Variants in HPF1 observed in about 807,000 individuals in gnomAD.
The protein encoded by HPF1 is UPF0609 protein C4orf27.
In HPF1, 35 loss-of-function variants were observed where a neutral mutation model predicts 38.8. That is an observed-to-expected ratio of 0.90 (90% CI 0.69 to 1.19). HPF1 has a LOEUF of 1.19. HPF1 is among the 50% of genes most tolerant of loss of function. HPF1 has a pLI of 0.00. For synonymous variants in HPF1, 115 were observed against 139.2 expected, an observed-to-expected ratio of 0.83 and a Z score of 1.22; for missense variants, 367 against 405.8, an observed-to-expected ratio of 0.90 and a Z score of 0.82.
At position 169,729,613 on chromosome 4, in the gene HPF1, T is replaced by C. The variant is rs1198190656; in HGVS notation, c.1006A>G (p.Arg336Gly). ...AEIIEEHLAN[R>G]SQENIDQLAA ...AGTTGGTCTATGTTCTCTTGACTTCTGTTTGCCAGATGCTCCTCAATAATT... is the reference window on the plus strand; with the variant it reads ...AGTTGGTCTATGTTCTCTTGACTTCCGTTTGCCAGATGCTCCTCAATAATT... The change falls in exon 8 of 8, where the codon AGA (arginine) becomes GGA (glycine). Residue 336 changes from arginine (R) to glycine (G), a missense_variant. By Grantham distance (125) the Arg-to-Gly change is moderately radical. Transcript: ENST00000393381. The C allele has an allele frequency of 8.2e-6, 13 of 1,590,260 alleles. No homozygotes were observed. Among genetic ancestry groups the C allele is most frequent in the Non-Finnish European group, 1.1e-5 (13 of 1,169,290 alleles).
intron 4 of HPF1, among the ~76,000 whole-genome samples, chr4:169,742,519 G>A (rs1413378948): frequency 2.0e-5 from 3 of 152,196 alleles, no homozygotes; most frequent in South Asian, 4.2e-4. Flanking sequence ...CAGGCAAGGC[G>A]CAGTGGCTCA....
rs1340394285 is a variant in HPF1, at chr4:169,731,835, T to C, written c.778A>G (p.Ser260Gly). ...AAAGCTTTTAGTCTCTCCTCATCAC[T>C]TGCAGCCTCAACTATTGTCTTGCAA... is the stretch of plus-strand genomic sequence containing the variant. The part of the protein sequence containing the change: ...RICKTIVEAA[S>G]DEERLKAFAP... Residue 260 changes from serine to glycine, a missense_variant, in exon 7 of 8, where the codon AGT becomes GGT. By Grantham distance (56) the Ser-to-Gly change is moderately conservative. Transcript: ENST00000393381. 1.9e-6 allele frequency: 3 copies of C among 1,613,648 alleles called. No homozygotes were observed. The highest frequency in any genetic ancestry group is 2.5e-6 in the Non-Finnish European group (3 of 1,179,692).
At chr4:169,744,666 C>T (rs1161543489) in intron 4 of HPF1, among the ~76,000 whole-genome samples, 1 of 152,200 alleles carries the variant, frequency 6.6e-6, no homozygotes. Context: ...CTATTGCGCT[C>T]ACAGTGGTAT....
At chr4:169,741,467 A>C (rs530005240) in intron 5 of HPF1, among the ~76,000 whole-genome samples, 38 of 152,330 alleles carry the variant, frequency 2.5e-4, no homozygotes, top group African/African-American at 8.9e-4. Context: ...AAACCAAAAG[A>C]ATCCAACATT....
chr4:169,747,200 C>T (rs1734060715), intron 4 of HPF1, among the ~76,000 whole-genome samples: 2 of 149,094 alleles, frequency 1.3e-5, no homozygotes, highest in South Asian at 4.3e-4. Flanking sequence ...AAGAGACAGA[C>T]AATAAGCAAG....
intron 4 of HPF1, among the ~76,000 whole-genome samples, chr4:169,745,117 T>C (rs1330694083): frequency 1.3e-5 from 2 of 152,094 alleles, no homozygotes; most frequent in African/African-American, 2.4e-5. Context: ...TGTGTGTGCA[T>C]AGGTGCACGG....
At chr4:169,741,849 T>G (rs1234466373) in intron 5 of HPF1, 108 bp downstream of exon 5, 1 of 893,486 alleles carries the variant, frequency 1.1e-6, no homozygotes, top group African/African-American at 1.7e-5. Context: ...AGCATCCAGT[T>G]CTTAAGATAG....
intron 6 of HPF1, among the ~76,000 whole-genome samples, chr4:169,734,372 G>A (rs1733867370): frequency 6.6e-6 from 1 of 152,144 alleles, no homozygotes; most frequent in African/African-American, 2.4e-5. Flanking sequence ...ATCAGGGTGG[G>A]TATGGAAGTG....
chr4:169,739,657 A>T (rs1733940780), intron 5 of HPF1, among the ~76,000 whole-genome samples: 1 of 152,230 alleles, frequency 6.6e-6, no homozygotes, highest in Non-Finnish European at 1.5e-5. Context: ...TTCTAAAAAA[A>T]TAACCAGATA....
At chr4:169,750,896 G>A (rs190401381) in intron 2 of HPF1, among the ~76,000 whole-genome samples, 171 bp from the exon 3 acceptor site, 18 of 152,308 alleles carry the variant, frequency 1.2e-4, no homozygotes, top group African/African-American at 4.3e-4. Context: ...AGAAGTCAGA[G>A]TAACAGGAAA....
At chr4:169,742,253 T>A in intron 4 of HPF1, 146 bp from the exon 5 acceptor site, 1 of 677,644 alleles carries the variant, frequency 1.5e-6, no homozygotes, top group African/African-American at 1.8e-5. Context: ...TCAAAATCCC[T>A]AATAGTTTTC....
chr4:169,739,665 A>G (rs549091970), intron 5 of HPF1, among the ~76,000 whole-genome samples: 3 of 152,306 alleles, frequency 2.0e-5, no homozygotes, highest in Admixed American at 6.5e-5. Flanking sequence ...AAATAACCAG[A>G]TAAGTATGAG....
At chr4:169,736,678 C>T (rs528381794) in intron 6 of HPF1, among the ~76,000 whole-genome samples, 11 of 152,302 alleles carry the variant, frequency 7.2e-5, no homozygotes, top group African/African-American at 2.6e-4. Context: ...TAGTTCTGTT[C>T]TGAAAAGCAG....
chr4:169,742,431 G>T (rs1221021340), intron 4 of HPF1, among the ~76,000 whole-genome samples: 1 of 152,074 alleles, frequency 6.6e-6, no homozygotes, highest in Non-Finnish European at 1.5e-5. Context: ...CTAAGATATG[G>T]CATACTACTT....
chr4:169,748,921 C>A, intron 3 of HPF1, 79 bp from the exon 4 acceptor site: 18 of 634,522 alleles, frequency 2.8e-5, no homozygotes, highest in East Asian at 6.6e-5. Flanking sequence ...GGTCTACAGA[C>A]AACAATTTAC....
At chr4:169,742,615 AC>A (rs1300001230) in intron 4 of HPF1, among the ~76,000 whole-genome samples, 3 of 152,130 alleles carry the variant, frequency 2.0e-5, no homozygotes, top group Non-Finnish European at 4.4e-5. Flanking sequence ...ACAAGGTGAA[AC>A]CCCGTCTCTA....
At chr4:169,744,357 T>C (rs1356047254) in intron 4 of HPF1, among the ~76,000 whole-genome samples, 1 of 152,196 alleles carries the variant, frequency 6.6e-6, no homozygotes, top group African/African-American at 2.4e-5. Context: ...CCCATACATA[T>C]GACATTATTA....
At chr4:169,752,712 A>G (rs1192231579) in intron 2 of HPF1, among the ~76,000 whole-genome samples, 1 of 152,220 alleles carries the variant, frequency 6.6e-6, no homozygotes, top group Non-Finnish European at 1.5e-5. Context: ...GATCTACTGA[A>G]TAGATGTGGT....
chr4:169,743,962 T>C (rs1178415012), intron 4 of HPF1, among the ~76,000 whole-genome samples: 1 of 152,064 alleles, frequency 6.6e-6, no homozygotes, highest in Non-Finnish European at 1.5e-5. Context: ...CCAGTAGAAC[T>C]GGTAGATTAA....
Sources: gnomAD v4.1 joint callset for allele counts (sites outside exome capture counted in the v4.1 genomes callset) on GRCh38, gnomAD v4.1.1 for gene constraint, MANE v1.5 for transcripts, NCBI Gene and HGNC (gene_info 2026-07-23, HGNC 2026-07-21) for gene names.